The following SMS variants were observed in gnomAD, a reference collection of about 807,000 sequenced individuals.
SMS encodes the protein spermine synthase.
SMS carries 3 observed loss-of-function variants against 33.0 expected under a neutral mutation model. The observed-to-expected ratio is 0.09, with a 90% CI of 0.04 to 0.23. SMS has a LOEUF of 0.23. Ranked by LOEUF, SMS falls within the 10% of genes least tolerant of loss-of-function variation. The pLI is 1.00. For missense variants in SMS, 117 were observed against 288.6 expected, an observed-to-expected ratio of 0.41 and a Z score of 4.31; for synonymous variants, 103 against 112.2, an observed-to-expected ratio of 0.92 and a Z score of 0.52.
intron 1 of SMS, among the ~76,000 whole-genome samples, chrX:21,955,165 T>C (rs1423828798): frequency 8.9e-6 from 1 of 112,297 alleles, no homozygotes; most frequent in Non-Finnish European, 1.9e-5. Flanking sequence ...AAAAATGGTA[T>C]GACCTGTAAG....
chrX:21,968,540 T>C (rs1029355154), intron 2 of SMS, among the ~76,000 whole-genome samples: 1 of 111,734 alleles, frequency 8.9e-6, no homozygotes, highest in African/African-American at 3.3e-5. Context: ...CCAGATTCCA[T>C]TTCCAGGAAG....
chrX:21,978,293 A>T (rs1033236997), intron 6 of SMS, among the ~76,000 whole-genome samples, 179 bp downstream of exon 6: 2 of 111,859 alleles, frequency 1.8e-5, no homozygotes, highest in Admixed American at 9.5e-5. Context: ...AGAAATAATC[A>T]GCTGGGCACA....
At chrX:21,969,604 ACTT>A (rs1258038960) in intron 2 of SMS, among the ~76,000 whole-genome samples, 2 of 111,740 alleles carry the variant, frequency 1.8e-5, no homozygotes, top group Non-Finnish European at 3.8e-5. Context: ...GAAAAGTTGC[ACTT>A]CTTATCTCCT....
chrX:21,946,284 T>C (rs1228846156), intron 1 of SMS, among the ~76,000 whole-genome samples: 1 of 112,072 alleles, frequency 8.9e-6, no homozygotes, highest in Non-Finnish European at 1.9e-5. Flanking sequence ...GGGGTGTAGG[T>C]TTCCACCCAA....
intron 1 of SMS, among the ~76,000 whole-genome samples, chrX:21,953,264 G>T (rs982835994): frequency 5.6e-5 from 6 of 108,040 alleles, no homozygotes; most frequent in African/African-American, 2.0e-4. Flanking sequence ...CGTGAACAAA[G>T]AGTTAAGTTA....
chrX:21,978,865 C>T lies in SMS; in HGVS notation c.661-12C>T. ...TTTGATATACCCAAATTCTCCTTAA[C>T]CTGTTGCGGACATTGACCAAATGGT... is the stretch of plus-strand genomic sequence containing the variant. On this transcript the variant is annotated splice_polypyrimidine_tract_variant and intron_variant, in intron 6 of 10. Coordinates refer to ENST00000404933, the MANE Select transcript of SMS (RefSeq NM_004595.5). 2 of 1,166,356 alleles carry T rather than the reference C, an allele frequency of 1.7e-6. No homozygotes were observed. Among genetic ancestry groups the T allele is most frequent in the African/African-American group, 1.8e-5 (1 of 56,992 alleles).
rs751571921 is a variant in SMS, at chrX:21,967,311, C to T, written c.165C>T (p.Asn55=). 1.2e-5 allele frequency: 14 copies of T among 1,206,658 alleles called. No homozygotes were observed. The highest frequency in any genetic ancestry group is 2.3e-4 in the Middle Eastern group (1 of 4,358). The change falls in exon 2 of 11, where the codon AAC becomes AAT. Residue 55 remains asparagine (N), a synonymous_variant. Transcript: ENST00000404933. ...ATTTAGCAACCTACACAAACAAGAACGGCAGGTGAGCAGTCTCCAGTGCTG... is the reference window on the plus strand; with the variant it reads ...ATTTAGCAACCTACACAAACAAGAATGGCAGGTGAGCAGTCTCCAGTGCTG... ...HGYLATYTNK[N]GSFANLRIYP...
intron 1 of SMS, among the ~76,000 whole-genome samples, chrX:21,960,189 C>A (rs752857352): frequency 1.8e-5 from 2 of 110,329 alleles, no homozygotes; most frequent in East Asian, 5.7e-4. Flanking sequence ...TGGCATGATG[C>A]GATGATGGGG....
At chrX:21,987,699 G>A (rs1027213746) in intron 9 of SMS, among the ~76,000 whole-genome samples, 1 of 112,510 alleles carries the variant, frequency 8.9e-6, no homozygotes, top group African/African-American at 3.2e-5. Context: ...GGAAAAATGT[G>A]AGGCTCTGGG....
intron 1 of SMS, among the ~76,000 whole-genome samples, chrX:21,950,837 A>G (rs1208087225): frequency 8.9e-6 from 1 of 111,921 alleles, no homozygotes; most frequent in Non-Finnish European, 1.9e-5. Flanking sequence ...TTCTTTATCC[A>G]GTCTATCATA....
intron 4 of SMS, 92 bp downstream of exon 4, chrX:21,972,663 AT>A: frequency 3.2e-6 from 2 of 621,304 alleles, no homozygotes; most frequent in Non-Finnish European, 5.4e-6. Flanking sequence ...AATCCCAGCA[AT>A]TTAGGAGGCC....
At position 21,957,704 on chromosome X, in the gene SMS, G is replaced by C. The variant is rs1165496318; in HGVS notation, c.50-9492G>C. 3.6e-5 allele frequency among the ~76,000 whole-genome samples: 4 copies of C among 112,396 alleles called. No individual in the cohort carries two copies. The East Asian group carries it at 8.4e-4, about 23-fold the overall frequency. On this transcript the variant is annotated intron_variant, in intron 1 of 10. Coordinates refer to ENST00000404933, the MANE Select transcript of SMS (RefSeq NM_004595.5). The stretch of plus-strand genomic sequence containing the variant: ...GAATCTCCATGCTGTTTTCCATAGT[G>C]GTTGTACTAGTTGATATTCCCACCA...
chrX:21,968,956 A>G (rs1344922944), intron 2 of SMS, among the ~76,000 whole-genome samples: 1 of 111,677 alleles, frequency 9.0e-6, no homozygotes. Flanking sequence ...GAACTCCAGG[A>G]TGGGGTATTT....
intron 1 of SMS, among the ~76,000 whole-genome samples, chrX:21,949,872 AAC>A (rs1277001886): frequency 3.6e-5 from 4 of 111,072 alleles, no homozygotes; most frequent in African/African-American, 1.3e-4. Context: ...GCACCGACAT[AAC>A]ACAAAAAAAT....
At position 21,993,840 on chromosome X, in the gene SMS, GTTC is replaced by G. The variant is rs769446106; in HGVS notation, c.1062-467_1062-465del. On this transcript the variant is annotated intron_variant, in intron 10 of 10. Transcript: ENST00000404933. ...TTGAGGCAAAGTCTTCCACCTGCTA[GTTC>G]TTCTCTCTCCCTCCTTCCTTCCCTC... Among the ~76,000 whole-genome samples, 94 of 110,534 alleles carry G rather than the reference GTTC, an allele frequency of 8.5e-4. No homozygotes were observed. The Middle Eastern group carries it at 0.014, about 16-fold the overall frequency.
At chrX:21,956,714 C>T (rs1922998263) in intron 1 of SMS, among the ~76,000 whole-genome samples, 6 of 111,325 alleles carry the variant, frequency 5.4e-5, no homozygotes. Flanking sequence ...GTGATCTGCC[C>T]GCCTTGGCCT....
rs777243787 is a variant in SMS, at chrX:21,955,752, G to A, written c.50-11444G>A. On this transcript the variant is annotated intron_variant, in intron 1 of 10. Coordinates refer to ENST00000404933, the MANE Select transcript of SMS (RefSeq NM_004595.5). ...CTGACGGGGCCCACTGAAGAGCATC[G>A]TAGGATACCTTACGTTGTTTGCATG... 9.0e-4 allele frequency among the ~76,000 whole-genome samples: 101 copies of A among 111,753 alleles called. 1 individual carries two copies. The highest frequency in any genetic ancestry group is 1.7e-3 in the Non-Finnish European group (89 of 53,150).
intron 7 of SMS, among the ~76,000 whole-genome samples, chrX:21,981,876 CAA>C (rs1491116273): frequency 1.8e-5 from 2 of 110,821 alleles, no homozygotes; most frequent in Non-Finnish European, 3.8e-5. Context: ...ATTACCAAGC[CAA>C]AAGTCAGACT....
At chrX:21,987,960 A>G (rs779651148) in intron 9 of SMS, among the ~76,000 whole-genome samples, 33 of 112,696 alleles carry the variant, frequency 2.9e-4, no homozygotes, top group African/African-American at 1.0e-3. Flanking sequence ...GTGAATATTA[A>G]TGACCCAGGC....
Sources: allele counts gnomAD v4.1 joint callset (sites outside exome capture counted in the v4.1 genomes callset), GRCh38; gene constraint gnomAD v4.1.1; transcripts MANE v1.5; gene names NCBI Gene and HGNC (gene_info 2026-07-23, HGNC 2026-07-21).